Variants in TLCD4 observed in about 807,000 individuals in gnomAD.
TLCD4 encodes the protein TLC domain-containing protein 4.
Under a neutral mutation model 24.2 loss-of-function variants are expected in TLCD4, and 7 were observed. The observed-to-expected ratio is 0.29, with a 90% CI of 0.16 to 0.54. The LOEUF is 0.54. TLCD4 is among the 20% of genes least tolerant of loss of function. TLCD4 has a pLI of 0.95. For missense variants in TLCD4, 259 were observed against 313.9 expected (o/e 0.82, Z 1.32); for synonymous variants, 103 against 106.4 (o/e 0.97, Z 0.20).
chr1:95,193,150 T>C lies in TLCD4; in HGVS notation c.*1282T>C, dbSNP rs1212073599. On this transcript the variant is annotated 3_prime_UTR_variant, in exon 7 of 7. Coordinates refer to ENST00000370203, the MANE Select transcript of TLCD4 (RefSeq NM_152487.3). ...GATGAGACCCAAACTATTACAAAAA[T>C]ATCAGTATTCATATTTTACTCACAA... 1 of 152,128 alleles carries C rather than the reference T, an allele frequency of 6.6e-6. No individual in the cohort carries two copies. Among genetic ancestry groups the C allele is most frequent in the Non-Finnish European group, 1.5e-5 (1 of 67,982 alleles). 9.4% of individuals were successfully genotyped at this position (152,128 alleles called of 1,614,324 possible).
chr1:95,180,657 T>C (rs1678605585), intron 6 of TLCD4, among the ~76,000 whole-genome samples: 1 of 152,224 alleles, frequency 6.6e-6, no homozygotes, highest in South Asian at 2.1e-4. Context: ...TTCTTTTATA[T>C]AAAGTAATTT....
chr1:95,105,893 T>TCAAAGAAAAAAA, the TLCD4 span, among the ~76,000 whole-genome samples: 1 of 102,864 alleles, frequency 9.7e-6, no homozygotes, highest in Non-Finnish European at 2.1e-5. Context: ...AGACTCCGTC[T>TCAAAGAAAAAAA]TAAAAAAAAA....
intron 1 of TLCD4, among the ~76,000 whole-genome samples, chr1:95,133,964 A>T (rs1234411962): frequency 6.6e-6 from 1 of 151,722 alleles, no homozygotes; most frequent in Non-Finnish European, 1.5e-5. Flanking sequence ...CTGATTAAAG[A>T]GGGATGTACA....
Position 95,151,308 on chromosome 1 carries a change from A to G in TLCD4, c.305-17A>G. On this transcript the variant is annotated splice_polypyrimidine_tract_variant and intron_variant, in intron 4 of 6. Coordinates refer to ENST00000370203, the MANE Select transcript of TLCD4 (RefSeq NM_152487.3). ...TTTCTTCTTATGTAATACCTTACTCACTTTTCTTTCTTACAGATTTGTCCA... is the reference window on the plus strand; with the variant it reads ...TTTCTTCTTATGTAATACCTTACTCGCTTTTCTTTCTTACAGATTTGTCCA... 1.9e-6 allele frequency: 3 copies of G among 1,611,522 alleles called. No individual in the cohort carries two copies. The South Asian group carries it at 3.3e-5, about 18-fold the overall frequency.
chr1:95,151,183 A>T (rs1677481815), intron 4 of TLCD4, 142 bp from the exon 5 acceptor site: 2 of 803,772 alleles, frequency 2.5e-6, no homozygotes, highest in South Asian at 3.1e-5. Flanking sequence ...AAAGTAGATA[A>T]TCAGACTAAC....
At chr1:95,102,454 G>T in the TLCD4 span, among the ~76,000 whole-genome samples, 2 of 152,144 alleles carry the variant, frequency 1.3e-5, no homozygotes, top group African/African-American at 4.8e-5. Flanking sequence ...GAAGTCTCTA[G>T]ATTGGGTGAT....
At chr1:95,169,666 C>T (rs1200785751) in intron 5 of TLCD4, among the ~76,000 whole-genome samples, 4 of 151,668 alleles carry the variant, frequency 2.6e-5, no homozygotes, top group African/African-American at 9.7e-5. Flanking sequence ...TTAATATTAA[C>T]TAGAGAGAAA....
the TLCD4 span, among the ~76,000 whole-genome samples, chr1:95,097,282 T>G: frequency 6.6e-6 from 1 of 152,250 alleles, no homozygotes; most frequent in Admixed American, 6.5e-5. Context: ...TAAACTGTAG[T>G]GACACTACTG....
At chr1:95,177,952 T>G (rs12117470) in intron 6 of TLCD4, among the ~76,000 whole-genome samples, 125 of 92,414 alleles carry the variant, frequency 1.4e-3, no homozygotes, top group African/African-American at 3.0e-3. Flanking sequence ...TTTTTTTTTG[T>G]TTTTTTTTGT....
chr1:95,115,952 C>G (rs114325285), upstream of TLCD4, among the ~76,000 whole-genome samples: 140 of 152,234 alleles, frequency 9.2e-4, no homozygotes, highest in Non-Finnish European at 2.0e-3. Context: ...TGTGAGTGCA[C>G]AAGGTAGCTA....
chr1:95,106,472 G>A, the TLCD4 span, among the ~76,000 whole-genome samples: 8 of 152,208 alleles, frequency 5.3e-5, no homozygotes, highest in East Asian at 3.9e-4. Flanking sequence ...AGGCCGAGGC[G>A]GGTGGATTGC....
intron 1 of TLCD4, among the ~76,000 whole-genome samples, chr1:95,124,737 A>T (rs887470768): frequency 6.6e-6 from 1 of 152,340 alleles, no homozygotes; most frequent in East Asian, 1.9e-4. Context: ...TGGAATTGCT[A>T]TGAGTAAAAC....
rs1182768160 is a variant in TLCD4 at position 95,196,706 on chromosome 1, C to A, written c.*4838C>A. 6.6e-6 allele frequency: 1 copy of A among 152,232 alleles called. No individual in the cohort carries two copies. The highest frequency in any genetic ancestry group is 1.9e-4 in the East Asian group (1 of 5,190). The allele number at this position is 152,232 out of a possible 1,614,324, so 9.4% of individuals were successfully genotyped here. On this transcript the variant is annotated 3_prime_UTR_variant, in exon 7 of 7. Transcript: ENST00000370203. ...AGATTTATAAGTACAGTACCTCTGG[C>A]TGAAAACTCGTTAAACATCTTTGGA...
chr1:95,190,341 TC>T (rs1300672804), intron 6 of TLCD4, among the ~76,000 whole-genome samples: 11 of 151,262 alleles, frequency 7.3e-5, no homozygotes, highest in African/African-American at 2.7e-4. Context: ...TCTTTTCTTT[TC>T]TTTTTTGAGA....
the TLCD4 span, among the ~76,000 whole-genome samples, chr1:95,111,323 A>AAAAAAAG: frequency 3.7e-4 from 48 of 128,232 alleles, no homozygotes; most frequent in African/African-American, 8.0e-4. Context: ...CAAAACAAAA[A>AAAAAAAG]AAAAGAAAAG....
chr1:95,094,529 T>C, the TLCD4 span, among the ~76,000 whole-genome samples: 3 of 152,188 alleles, frequency 2.0e-5, no homozygotes, highest in African/African-American at 7.2e-5. Flanking sequence ...TAATTATTGA[T>C]AATTTTTAAA....
the TLCD4 span, among the ~76,000 whole-genome samples, chr1:95,102,592 T>G: frequency 6.6e-6 from 1 of 152,200 alleles, no homozygotes; most frequent in African/African-American, 2.4e-5. Context: ...AATATAGGTC[T>G]GAAGCTCAAG....
At chr1:95,159,582 T>C (rs1677725972) in intron 5 of TLCD4, among the ~76,000 whole-genome samples, 1 of 152,224 alleles carries the variant, frequency 6.6e-6, no homozygotes, top group African/African-American at 2.4e-5. Flanking sequence ...TCTTTGCCCA[T>C]GCCTATGTCC....
chr1:95,184,460 AT>A (rs1678761835), intron 6 of TLCD4, among the ~76,000 whole-genome samples: 1 of 152,038 alleles, frequency 6.6e-6, no homozygotes, highest in Non-Finnish European at 1.5e-5. Flanking sequence ...TTTTTACACA[AT>A]TTTTAGTGAG....
Sources: allele counts gnomAD v4.1 joint callset (sites outside exome capture counted in the v4.1 genomes callset), GRCh38; gene constraint gnomAD v4.1.1; transcripts MANE v1.5; gene names NCBI Gene and HGNC (gene_info 2026-07-23, HGNC 2026-07-21).